The following PAM variants were observed in gnomAD, a reference collection of about 807,000 sequenced individuals.
The protein encoded by PAM is peptidyl-glycine alpha-amidating monooxygenase.
A neutral mutation model predicts 122.1 loss-of-function variants in PAM; 72 were observed. The ratio of observed to expected loss-of-function variants is 0.59; its 90% confidence interval spans 0.49 to 0.72. The LOEUF (loss-of-function observed/expected upper bound fraction) is 0.72. Ranked by LOEUF, PAM falls within the 30% of genes least tolerant of loss-of-function variation. PAM has a pLI of 0.00. For synonymous variants in PAM, 389 were observed against 404.4 expected (o/e 0.96, Z 0.46); for missense variants, 1,106 against 1,183.7 (o/e 0.93, Z 0.96).
At chr5:102,849,446 T>C (rs1780796854) in intron 1 of PAM, among the ~76,000 whole-genome samples, 1 of 150,626 alleles carries the variant, frequency 6.6e-6, no homozygotes, top group East Asian at 2.0e-4. Context: ...TAGTCCCAGC[T>C]ACTTGGGAGG....
intron 3 of PAM, among the ~76,000 whole-genome samples, chr5:102,895,646 T>C (rs1054196344): frequency 6.6e-6 from 1 of 151,736 alleles, no homozygotes; most frequent in African/African-American, 2.4e-5. Context: ...GAGAATAGAA[T>C]GCAACTTTGG....
At chr5:102,840,069 C>A (rs1350160959) in intron 1 of PAM, among the ~76,000 whole-genome samples, 1 of 151,992 alleles carries the variant, frequency 6.6e-6, no homozygotes, top group Non-Finnish European at 1.5e-5. Flanking sequence ...TATCTACATA[C>A]CTAATTAAAA....
intron 3 of PAM, among the ~76,000 whole-genome samples, chr5:102,897,746 G>A (rs1470230449): frequency 3.3e-5 from 5 of 151,562 alleles, no homozygotes; most frequent in Admixed American, 1.3e-4. Context: ...GGTAGTCTGG[G>A]AGGATTCTGT....
At chr5:103,009,573 T>C (rs1379801530) in intron 20 of PAM, among the ~76,000 whole-genome samples, 178 bp from the exon 21 acceptor site, 1 of 152,198 alleles carries the variant, frequency 6.6e-6, no homozygotes, top group Non-Finnish European at 1.5e-5. Flanking sequence ...CTCTAACCAG[T>C]TTGCCACTGA....
intron 1 of PAM, among the ~76,000 whole-genome samples, chr5:102,815,124 TGG>T (rs1769349814): frequency 6.6e-6 from 1 of 152,176 alleles, no homozygotes; most frequent in African/African-American, 2.4e-5. Context: ...TGCTACACAC[TGG>T]GGTCTCCCCG....
intron 7 of PAM, among the ~76,000 whole-genome samples, chr5:102,934,201 G>A (rs1048165961): frequency 2.6e-5 from 4 of 152,086 alleles, no homozygotes; most frequent in South Asian, 4.1e-4. Flanking sequence ...TGACATAGAC[G>A]TCCAAAAGCA....
intron 1 of PAM, among the ~76,000 whole-genome samples, chr5:102,819,605 C>T (rs1359902341): frequency 6.6e-6 from 1 of 151,994 alleles, no homozygotes; most frequent in East Asian, 1.9e-4. Context: ...CAATGTAAAC[C>T]ATTGCACTGC....
chr5:102,972,378 C>G lies in PAM; in HGVS notation c.1163-1738C>G, dbSNP rs535646959. Among the ~76,000 whole-genome samples the G allele has an allele frequency of 3.9e-5, 6 of 152,238 alleles. No homozygotes were observed. The East Asian group carries it at 1.2e-3, about 29-fold the overall frequency. On this transcript the variant is annotated intron_variant, in intron 14 of 25. Transcript: ENST00000438793. ...CTCACTGCAGCCTTGAACTCCTGAGCTCAAGCAGTCCTCCCACTTTAGCCT... is the reference window on the plus strand; with the variant it reads ...CTCACTGCAGCCTTGAACTCCTGAGGTCAAGCAGTCCTCCCACTTTAGCCT...
intron 3 of PAM, among the ~76,000 whole-genome samples, chr5:102,886,211 A>G (rs377266185): frequency 6.6e-6 from 1 of 152,074 alleles, no homozygotes; most frequent in Non-Finnish European, 1.5e-5. Context: ...TTTATTATGA[A>G]GGATAACATT....
intron 14 of PAM, among the ~76,000 whole-genome samples, chr5:102,962,325 G>A (rs1762745252): frequency 6.6e-6 from 1 of 151,736 alleles, no homozygotes; most frequent in Non-Finnish European, 1.5e-5. Context: ...ATTTAAAATA[G>A]CTAAATTTAT....
At chr5:102,946,762 T>C (rs984008719) in intron 7 of PAM, 75 bp from the exon 8 acceptor site, 4 of 863,404 alleles carry the variant, frequency 4.6e-6, no homozygotes, top group Non-Finnish European at 7.7e-6. Flanking sequence ...GTTATAATCA[T>C]TTCTATCTTA....
chr5:102,814,512 T>TCTCC (rs1248526880), intron 1 of PAM, among the ~76,000 whole-genome samples: 314 of 148,958 alleles, frequency 2.1e-3, no homozygotes, highest in African/African-American at 7.5e-3. Context: ...TCTCTCTCTC[T>TCTCC]CTCTCCCTCT....
At chr5:102,869,168 G>A (rs908832994) in intron 3 of PAM, among the ~76,000 whole-genome samples, 4 of 152,198 alleles carry the variant, frequency 2.6e-5, no homozygotes, top group Non-Finnish European at 5.9e-5. Context: ...CACATGGACC[G>A]TGATTGATAA....
intron 15 of PAM, among the ~76,000 whole-genome samples, chr5:102,979,338 T>G (rs1441748118): frequency 1.3e-5 from 2 of 152,184 alleles, no homozygotes; most frequent in Non-Finnish European, 2.9e-5. Flanking sequence ...TGAAGCATTA[T>G]AATTAATTCT....
chr5:102,827,314 A>T (rs1773939032), intron 1 of PAM, among the ~76,000 whole-genome samples: 1 of 152,066 alleles, frequency 6.6e-6, no homozygotes, highest in Non-Finnish European at 1.5e-5. Flanking sequence ...CATATTCCAA[A>T]ATCCAAAAAA....
chr5:102,848,213 C>G (rs547627337), intron 1 of PAM, among the ~76,000 whole-genome samples: 1 of 151,300 alleles, frequency 6.6e-6, no homozygotes, highest in African/African-American at 2.4e-5. Flanking sequence ...CTGTTCTTTA[C>G]TTTTCCCAGT....
intron 3 of PAM, among the ~76,000 whole-genome samples, chr5:102,879,278 A>G (rs1790225458): frequency 6.6e-6 from 1 of 152,154 alleles, no homozygotes; most frequent in African/African-American, 2.4e-5. Context: ...TACAGTGTTT[A>G]TAAAGTCTAC....
At chr5:102,930,295 A>G (rs969042077) in intron 7 of PAM, among the ~76,000 whole-genome samples, 3 of 152,148 alleles carry the variant, frequency 2.0e-5, no homozygotes, top group African/African-American at 7.2e-5. Context: ...CAATAATAAT[A>G]ATGCATACTG....
At chr5:102,930,433 G>C (rs1051052377) in intron 7 of PAM, among the ~76,000 whole-genome samples, 2 of 152,142 alleles carry the variant, frequency 1.3e-5, no homozygotes, top group African/African-American at 2.4e-5. Flanking sequence ...GGAGCTCCCA[G>C]GCCAGAGCAG....
Sources: allele counts gnomAD v4.1 joint callset (sites outside exome capture counted in the v4.1 genomes callset), GRCh38; gene constraint gnomAD v4.1.1; transcripts MANE v1.5; gene names NCBI Gene and HGNC (gene_info 2026-07-23, HGNC 2026-07-21).